FRMD6: variants seen among roughly 807,000 people sequenced by gnomAD.
FRMD6 encodes the protein FERM domain containing 6, also known as FERM domain-containing protein 6.
FRMD6 carries 37 observed loss-of-function variants against 73.2 expected under a neutral mutation model. That is an observed-to-expected ratio of 0.51 (90% CI 0.39 to 0.66). FRMD6 has a LOEUF of 0.66. FRMD6 is among the 30% of genes least tolerant of loss of function. The probability of loss-of-function intolerance (pLI) is 0.00; values close to 1 mark genes in which losing one functional copy is unlikely to be tolerated. For missense variants in FRMD6, 714 were observed against 780.5 expected, an observed-to-expected ratio of 0.91 and a Z score of 1.02; for synonymous variants, 273 against 282.2, an observed-to-expected ratio of 0.97 and a Z score of 0.33.
the FRMD6 span, among the ~76,000 whole-genome samples, chr14:51,474,188 G>C: frequency 6.6e-6 from 1 of 152,156 alleles, no homozygotes; most frequent in Non-Finnish European, 1.5e-5. Context: ...CGTGTGTACA[G>C]ATTTCAATTT....
the FRMD6 span, among the ~76,000 whole-genome samples, chr14:51,423,796 A>G: frequency 2.0e-5 from 3 of 151,656 alleles, no homozygotes; most frequent in South Asian, 6.3e-4. Flanking sequence ...TTTCATCCTT[A>G]CTCCACACTT....
chr14:51,655,765 G>A (rs1403611680), intron 1 of FRMD6, among the ~76,000 whole-genome samples: 1 of 152,132 alleles, frequency 6.6e-6, no homozygotes, highest in Admixed American at 6.5e-5. Context: ...GAATCAAGGT[G>A]CCCTATAAGA....
At chr14:51,477,501 A>C in the FRMD6 span, among the ~76,000 whole-genome samples, 2 of 152,192 alleles carry the variant, frequency 1.3e-5, no homozygotes, top group Non-Finnish European at 1.5e-5. Flanking sequence ...GTAGAAGATG[A>C]CTTGCAGTGA....
chr14:51,461,752 T>G, the FRMD6 span, among the ~76,000 whole-genome samples: 3 of 152,234 alleles, frequency 2.0e-5, no homozygotes, highest in African/African-American at 2.4e-5. Flanking sequence ...TTGCTCATTT[T>G]GAATAGAGAT....
At chr14:51,702,617 CT>C (rs200698278) in intron 5 of FRMD6, 29 bp downstream of exon 5, 251 of 1,554,728 alleles carry the variant, frequency 1.6e-4, no homozygotes, top group African/African-American at 1.4e-3. Context: ...ATTCTAAACG[CT>C]TTTTTTTCCC....
At chr14:51,402,812 G>C in the FRMD6 span, among the ~76,000 whole-genome samples, 1 of 151,816 alleles carries the variant, frequency 6.6e-6, no homozygotes, top group Non-Finnish European at 1.5e-5. Context: ...CTAATTTTTT[G>C]TATTTTTAGT....
At chr14:51,549,544 T>TTCTAGCTA (rs1886662915) in intron 1 of FRMD6, among the ~76,000 whole-genome samples, 1 of 152,024 alleles carries the variant, frequency 6.6e-6, no homozygotes, top group Non-Finnish European at 1.5e-5. Flanking sequence ...TGTTCCTTTT[T>TTCTAGCTA]TCTAGCTAGG....
chr14:51,569,901 C>T (rs929015214), intron 1 of FRMD6, among the ~76,000 whole-genome samples: 1 of 151,780 alleles, frequency 6.6e-6, no homozygotes, highest in Admixed American at 6.6e-5. Context: ...CTGCAAGCTC[C>T]ACCTCCTGGG....
chr14:51,523,901 C>T lies in FRMD6; in HGVS notation c.-210+34481C>T, dbSNP rs1323333683. Among the ~76,000 whole-genome samples the T allele has an allele frequency of 2.0e-5, 3 of 152,066 alleles. No homozygotes were observed. In the East Asian group the frequency reaches 5.8e-4, roughly 29 times the overall value. On this transcript the variant is annotated intron_variant, in intron 1 of 14. Coordinates refer to the FRMD6 transcript ENST00000356218. ...GACCAAATTGTGCATAGTAAAATGC[C>T]TATGGTGGAAAGCATATGGTTATTA...
chr14:51,574,887 CT>C (rs999913982), intron 2 of FRMD6, among the ~76,000 whole-genome samples: 91 of 152,160 alleles, frequency 6.0e-4, no homozygotes, highest in Middle Eastern at 3.4e-3. Flanking sequence ...CCCATTTACC[CT>C]GGTGTGATTA....
At chr14:51,450,333 G>C in the FRMD6 span, among the ~76,000 whole-genome samples, 2 of 152,176 alleles carry the variant, frequency 1.3e-5, no homozygotes, top group African/African-American at 4.8e-5. Flanking sequence ...TTAGATATTA[G>C]ATAGAAATCT....
the FRMD6 span, among the ~76,000 whole-genome samples, chr14:51,413,537 A>C: frequency 6.6e-6 from 1 of 152,034 alleles, no homozygotes; most frequent in African/African-American, 2.4e-5. Context: ...TATGTGCCAC[A>C]TTTTCTTAAT....
intron 1 of FRMD6, among the ~76,000 whole-genome samples, chr14:51,490,377 A>C (rs1208791549): frequency 6.6e-6 from 1 of 152,140 alleles, no homozygotes; most frequent in African/African-American, 2.4e-5. Flanking sequence ...GTGTTTCTGC[A>C]TGTGTATTTA....
the FRMD6 span, among the ~76,000 whole-genome samples, chr14:51,433,736 A>G: frequency 6.6e-6 from 1 of 152,210 alleles, no homozygotes; most frequent in East Asian, 1.9e-4. Flanking sequence ...TGTGAGCAGT[A>G]CTTTTCTGAA....
At chr14:51,584,648 T>G (rs186728641) in intron 2 of FRMD6, among the ~76,000 whole-genome samples, 1 of 152,268 alleles carries the variant, frequency 6.6e-6, no homozygotes, top group Admixed American at 6.5e-5. Context: ...ATCATCAGCA[T>G]GTGAGCAAGT....
intron 2 of FRMD6, among the ~76,000 whole-genome samples, chr14:51,590,122 T>A (rs1490413236): frequency 6.7e-6 from 1 of 150,152 alleles, no homozygotes; most frequent in Non-Finnish European, 1.5e-5. Context: ...GTTTTGTTAA[T>A]GTTGGATTTC....
At chr14:51,424,065 T>C in the FRMD6 span, among the ~76,000 whole-genome samples, 30 of 152,150 alleles carry the variant, frequency 2.0e-4, no homozygotes, top group African/African-American at 7.2e-4. Flanking sequence ...AACTGAAAAA[T>C]TGGGCAGTAA....
At position 51,564,425 on chromosome 14, in the gene FRMD6, GA is replaced by G. The variant is rs564859223; in HGVS notation, c.-209-5918del. ...CTTTTTTAAAAGTTTTAAATGAGAT[GA>G]AAAAGAAATTGGCCTCTTTGAGAAG... is the stretch of plus-strand genomic sequence containing the variant. On this transcript the variant is annotated intron_variant, in intron 1 of 14. Transcript: ENST00000356218. Among the ~76,000 whole-genome samples the G allele has an allele frequency of 3.2e-3, 489 of 152,254 alleles. 2 individuals carry two copies. Among genetic ancestry groups the G allele is most frequent in the Middle Eastern group, 6.8e-3 (2 of 294 alleles).
intron 2 of FRMD6, among the ~76,000 whole-genome samples, chr14:51,576,529 G>T (rs550825997): frequency 6.6e-6 from 1 of 152,178 alleles, no homozygotes; most frequent in African/African-American, 2.4e-5. Flanking sequence ...TTTATCCTGT[G>T]AACTTCAATA....
Sources: allele counts gnomAD v4.1 joint callset (sites outside exome capture counted in the v4.1 genomes callset), GRCh38; gene constraint gnomAD v4.1.1; transcripts MANE v1.5; gene names NCBI Gene and HGNC (gene_info 2026-07-23, HGNC 2026-07-21).